The following TMPO variants were observed in gnomAD, a reference collection of about 807,000 sequenced individuals.
TMPO encodes thymopoietin, also known as LEM domain containing 4.
Under a neutral mutation model 45.4 loss-of-function variants are expected in TMPO, and 22 were observed. That is an observed-to-expected ratio of 0.48 (90% CI 0.35 to 0.69). TMPO has a LOEUF of 0.69. TMPO is among the 30% of genes least tolerant of loss of function. The pLI, the probability that TMPO is intolerant of heterozygous loss-of-function variation, is 0.01. For missense variants in TMPO, 512 were observed against 548.8 expected (o/e 0.93, Z 0.67); for synonymous variants, 241 against 204.1 (o/e 1.18, Z -1.54).
intron 7 of TMPO, among the ~76,000 whole-genome samples, chr12:98,545,416 G>T (rs556859242): frequency 6.6e-6 from 1 of 152,012 alleles, no homozygotes; most frequent in African/African-American, 2.4e-5. Context: ...TTTTGTTGAC[G>T]GGTCAAATAA....
chr12:98,537,473 A>G lies in TMPO; in HGVS notation c.566-2A>G. ...TAATGGTTTCTCCAATGTTATTTCC[A>G]GACTCTAAAATAGAGCTCAAGCTTG... On this transcript the variant is annotated splice_acceptor_variant, in intron 3 of 8. Transcript: ENST00000556029. LOFTEE classifies it high-confidence loss of function. 6.2e-7 allele frequency: 1 copy of G among 1,609,890 alleles called. No homozygotes were observed. Among genetic ancestry groups the G allele is most frequent in the Non-Finnish European group, 8.5e-7 (1 of 1,176,772 alleles).
chr12:98,540,057 G>T (rs1317168007), intron 4 of TMPO, among the ~76,000 whole-genome samples: 2 of 152,158 alleles, frequency 1.3e-5, no homozygotes, highest in African/African-American at 4.8e-5. Context: ...ATTTTTGGTT[G>T]TTTTACTCTC....
Position 98,545,023 on chromosome 12 carries a change from C to A in TMPO, c.952C>A (p.Pro318Thr). The change falls in exon 7 of 9, where the codon CCC becomes ACC. Residue 318 changes from proline (P) to threonine (T), a missense_variant. By Grantham distance (38) the Pro-to-Thr change is conservative. This residue lies in a region of TMPO where 209 missense variants were observed against 235.1 expected (regional missense o/e 0.89). Coordinates refer to ENST00000556029, the MANE Select transcript of TMPO (RefSeq NM_001032283.3). ...GCCAATCACTGAATTCTCAGACATA[C>A]CCAGAAGAGCACCAAAGAAACCATT... ...ILPITEFSDI[P>T]RRAPKKPLTR... 1 of 1,613,558 alleles carries A rather than the reference C, an allele frequency of 6.2e-7. No individual in the cohort carries two copies. The highest frequency in any genetic ancestry group is 1.1e-5 in the South Asian group (1 of 91,082).
intron 2 of TMPO, among the ~76,000 whole-genome samples, chr12:98,529,791 T>C (rs746670320): frequency 1.3e-5 from 2 of 152,090 alleles, no homozygotes; most frequent in African/African-American, 2.4e-5. Context: ...ACTCCTGGGC[T>C]CAAGCAGTCC....
chr12:98,544,040 T>C (rs1487516669), intron 4 of TMPO, among the ~76,000 whole-genome samples, 190 bp from the exon 5 acceptor site: 3 of 152,218 alleles, frequency 2.0e-5, no homozygotes, highest in Non-Finnish European at 4.4e-5. Flanking sequence ...TTTAGCACTT[T>C]TTAAGTGTTT....
chr12:98,527,819 A>C lies in TMPO; in HGVS notation c.280-67A>C. On this transcript the variant is annotated intron_variant, in intron 1 of 8. Transcript: ENST00000556029. Reference sequence around the variant, plus strand: ...TAGTGAGTTTGCATGTTTATGTTATACAGGTTATTATCTAGTAAGTGAACA... The same window carrying C: ...TAGTGAGTTTGCATGTTTATGTTATCCAGGTTATTATCTAGTAAGTGAACA... 3 of 1,583,250 alleles carry C rather than the reference A, an allele frequency of 1.9e-6. No homozygotes were observed. In the Admixed American group the frequency reaches 5.0e-5, roughly 26 times the overall value.
chr12:98,526,342 C>T (rs982852644), intron 1 of TMPO, among the ~76,000 whole-genome samples: 3 of 152,060 alleles, frequency 2.0e-5, no homozygotes, highest in Admixed American at 1.3e-4. Context: ...TTCCAGGACC[C>T]GGCCATGGAT....
chr12:98,529,628 A>G (rs1397461516), intron 2 of TMPO, among the ~76,000 whole-genome samples: 1 of 151,864 alleles, frequency 6.6e-6, no homozygotes, highest in Non-Finnish European at 1.5e-5. Context: ...GCAGTGGCAC[A>G]GTCATGGCTT....
intron 2 of TMPO, among the ~76,000 whole-genome samples, chr12:98,528,742 T>C (rs1297647494): frequency 6.6e-6 from 1 of 152,162 alleles, no homozygotes; most frequent in Non-Finnish European, 1.5e-5. Context: ...GAGGATTGCT[T>C]GTGCCCAGGA....
At chr12:98,534,584 C>CTT (rs1330186527) in intron 3 of TMPO, 1 of 1,277,616 alleles carries the variant, frequency 7.8e-7, no homozygotes, top group Admixed American at 3.7e-5. Flanking sequence ...ATATTAGTCT[C>CTT]TAAGTTGTTT....
chr12:98,542,746 T>C (rs923981171), intron 4 of TMPO, among the ~76,000 whole-genome samples: 1 of 152,058 alleles, frequency 6.6e-6, no homozygotes, highest in Non-Finnish European at 1.5e-5. Context: ...TAATCCCAGC[T>C]ACTCAGGAGG....
chr12:98,516,303 T>G, intron 1 of TMPO, 157 bp downstream of exon 1: 3 of 1,234,252 alleles, frequency 2.4e-6, no homozygotes, highest in Non-Finnish European at 3.0e-6. Flanking sequence ...CCCGCGGGGC[T>G]GCAGGCGCCG....
intron 4 of TMPO, among the ~76,000 whole-genome samples, chr12:98,541,505 T>A (rs767798338): frequency 1.3e-5 from 2 of 152,244 alleles, no homozygotes; most frequent in Non-Finnish European, 2.9e-5. Flanking sequence ...ACAGTATTAC[T>A]ACTAACAATA....
At chr12:98,522,321 T>C (rs1344335094) in intron 1 of TMPO, among the ~76,000 whole-genome samples, 2 of 152,188 alleles carry the variant, frequency 1.3e-5, no homozygotes, top group African/African-American at 4.8e-5. Context: ...GGCCAAATTA[T>C]GAATTCTCAA....
intron 1 of TMPO, among the ~76,000 whole-genome samples, chr12:98,524,981 G>T (rs559876566): frequency 6.6e-6 from 1 of 152,330 alleles, no homozygotes; most frequent in Non-Finnish European, 1.5e-5. Flanking sequence ...GAACATTCTC[G>T]TGGTAGTGGG....
At chr12:98,517,861 CTT>C (rs1875991340) in intron 1 of TMPO, among the ~76,000 whole-genome samples, 2 of 152,362 alleles carry the variant, frequency 1.3e-5, no homozygotes, top group South Asian at 2.1e-4. Context: ...TATTTAAACT[CTT>C]TAAGTAGAGT....
intron 1 of TMPO, among the ~76,000 whole-genome samples, chr12:98,520,272 C>CCCTTCTTT (rs1876233730): frequency 9.3e-6 from 1 of 107,206 alleles, no homozygotes; most frequent in Admixed American, 9.1e-5. Flanking sequence ...CCATATTTTT[C>CCCTTCTTT]CCTTCCTTCC....
At position 98,548,782 on chromosome 12, in the gene TMPO, G is replaced by T. The variant is rs1363335681; in HGVS notation, c.*924G>T. 6.6e-6 allele frequency: 1 copy of T among 152,122 alleles called. No individual in the cohort carries two copies. Among genetic ancestry groups the T allele is most frequent in the East Asian group, 1.9e-4 (1 of 5,188 alleles). The allele number at this position is 152,122 out of a possible 1,614,324, so 9.4% of individuals were successfully genotyped here. ...TGTCTTGTTACCAGAAACAAATTTT[G>T]CCGAGCTTTTTTTGCCCTATATTTC... On this transcript the variant is annotated 3_prime_UTR_variant, in exon 9 of 9. Transcript: ENST00000556029.
chr12:98,534,656 A>G, intron 3 of TMPO: 1 of 1,174,676 alleles, frequency 8.5e-7, no homozygotes, highest in Non-Finnish European at 1.1e-6. Context: ...TCTAATTAGG[A>G]TATAAGGAGT....
Sources: allele counts gnomAD v4.1 joint callset (sites outside exome capture counted in the v4.1 genomes callset), GRCh38; gene constraint gnomAD v4.1.1; regional missense constraint gnomAD v4.1.1; transcripts MANE v1.5; gene names NCBI Gene and HGNC (gene_info 2026-07-23, HGNC 2026-07-21).